The following ANO7 variants were observed in gnomAD, a reference collection of about 807,000 sequenced individuals.
The protein encoded by ANO7 is anoctamin-7.
A neutral mutation model predicts 115.8 loss-of-function variants in ANO7; 114 were observed. The observed-to-expected ratio is 0.98, with a 90% confidence interval of 0.85 to 1.15. The LOEUF (loss-of-function observed/expected upper bound fraction) is 1.15, where lower values mean the gene tolerates loss of function less well. Ranked by LOEUF, ANO7 falls within the 50% of genes most tolerant of loss-of-function variation. The probability of loss-of-function intolerance (pLI) is 0.00; values close to 1 mark genes in which losing one functional copy is unlikely to be tolerated. For missense variants in ANO7, 1,302 were observed against 1,201.2 expected (o/e 1.08, Z -1.24); for synonymous variants, 550 against 498.2 (o/e 1.10, Z -1.38).
chr2:241,193,357 G>A (rs1194057287), intron 3 of ANO7, among the ~76,000 whole-genome samples: 5 of 151,968 alleles, frequency 3.3e-5, no homozygotes, highest in Non-Finnish European at 5.9e-5. Flanking sequence ...AGTGTGAGCC[G>A]CCACGCCCAG....
chr2:241,217,661 C>A (rs917843322), intron 19 of ANO7, 25 bp from the exon 20 acceptor site: 2 of 1,556,754 alleles, frequency 1.3e-6, no homozygotes, highest in Non-Finnish European at 1.7e-6. Flanking sequence ...TGGCGGAGAG[C>A]CCGGCCGTGA....
At chr2:241,226,715 T>G (rs557296633), downstream of ANO7, among the ~76,000 whole-genome samples, 1 of 152,150 alleles carries the variant, frequency 6.6e-6, no homozygotes, top group African/African-American at 2.4e-5. Flanking sequence ...TGAGCCACCG[T>G]ACCCGGCCAA....
At chr2:241,195,909 G>A (rs2068316546) in intron 4 of ANO7, 64 bp downstream of exon 4, 1 of 1,613,774 alleles carries the variant, frequency 6.2e-7, no homozygotes, top group Admixed American at 1.7e-5. Context: ...CCATGACCTT[G>A]CCGCATGAGG....
chr2:241,191,942 C>T (rs1574754441), intron 3 of ANO7, among the ~76,000 whole-genome samples: 1 of 152,192 alleles, frequency 6.6e-6, no homozygotes, highest in African/African-American at 2.4e-5. Context: ...TGAGCGCCCA[C>T]GAGCACGGGA....
In ANO7 at chr2:241,216,104, G is replaced by T; in HGVS notation, c.1838G>T (p.Gly613Val). Residue 613 changes from glycine (G) to valine (V), a missense_variant, in exon 19 of 25, where the codon GGC (glycine) becomes GTC (valine). Physicochemically the swap from Gly to Val is moderately radical, Grantham distance 109 (BLOSUM62 -3). Coordinates refer to ENST00000674324, the MANE Select transcript of ANO7 (RefSeq NM_001370694.2). ...MQEVLIPKLK[G>V]WWQKFRLRSK... is the part of the protein sequence containing the mutation. ...ATTCCCGTCCCCAGGAAGCTAAAGG[G>T]CTGGTGGCAGAAGTTCCGGCTTCGC... 3 of 1,609,426 alleles carry T rather than the reference G, an allele frequency of 1.9e-6. No homozygotes were observed. The highest frequency in any genetic ancestry group is 1.3e-5 in the African/African-American group (1 of 74,724).
At chr2:241,195,564 G>A (rs1288756227) in intron 3 of ANO7, 139 bp from the exon 4 acceptor site, 1 of 772,370 alleles carries the variant, frequency 1.3e-6, no homozygotes, top group Non-Finnish European at 2.1e-6. Context: ...GGACCAGAGA[G>A]GGGATCGGGA....
downstream of ANO7, chr2:241,229,217 C>T: frequency 4.6e-6 from 1 of 217,576 alleles, no homozygotes; most frequent in South Asian, 6.1e-5. Context: ...AAACGTTTGG[C>T]TTTTATAAAG....
intron 11 of ANO7, among the ~76,000 whole-genome samples, 155 bp downstream of exon 11, chr2:241,207,825 T>C (rs1402319783): frequency 6.6e-6 from 1 of 152,194 alleles, no homozygotes; most frequent in African/African-American, 2.4e-5. Context: ...ACCTTTGTTC[T>C]CTTGCCTGGA....
chr2:241,222,149 G>A (rs898540795), intron 21 of ANO7, among the ~76,000 whole-genome samples: 1 of 151,900 alleles, frequency 6.6e-6, no homozygotes, highest in Non-Finnish European at 1.5e-5. Context: ...CAGGAGAATC[G>A]CTTGAACCCA....
chr2:241,216,318 G>A lies in ANO7; in HGVS notation c.1972+80G>A, dbSNP rs2068827930. 3 of 1,450,468 alleles carry A rather than the reference G, an allele frequency of 2.1e-6. No individual in the cohort carries two copies. In the East Asian group the frequency reaches 7.5e-5, roughly 36 times the overall value. The allele number at this position is 1,450,468 out of a possible 1,614,324, so 89.8% of individuals were successfully genotyped here. A position where few individuals can be genotyped will look rare whatever the true frequency, so the allele number is the denominator to read the frequency against. ...GGCCACTCTGCTCAAGGGCCTCCCA[G>A]CCTGACATTCCTGTGTCTGCATCTG... On this transcript the variant is annotated intron_variant, in intron 19 of 24. Coordinates refer to ENST00000674324, the MANE Select transcript of ANO7 (RefSeq NM_001370694.2).
the ANO7 span, chr2:241,236,414 C>A: frequency 1.7e-6 from 1 of 604,034 alleles, no homozygotes; most frequent in South Asian, 2.0e-5. Context: ...GAACCCCGAG[C>A]CTTGGTGAAG....
chr2:241,239,348 T>C, the ANO7 span, among the ~76,000 whole-genome samples: 30 of 152,102 alleles, frequency 2.0e-4, no homozygotes, highest in South Asian at 1.0e-3. This position sits in a 1 kb window ranked among gnomAD's most constrained non-coding sequence, Gnocchi z 4.6. Flanking sequence ...TCTCTCTCTC[T>C]CCCCTCTCCT....
chr2:241,200,292 C>CGGAACTT, intron 6 of ANO7, 67 bp downstream of exon 6: 1 of 1,560,516 alleles, frequency 6.4e-7, no homozygotes, highest in South Asian at 1.2e-5. Flanking sequence ...AATGAGTGAG[C>CGGAACTT]GGAACTTGGT....
At position 241,224,368 on chromosome 2, in the gene ANO7, C is replaced by A. The variant is rs1278687154; in HGVS notation, c.*215C>A. ...CCGGCAGGGAGGGACCGTCAGCTCA[C>A]AAGGCCCTCTTTGTTTCCTGCTCCC... On this transcript the variant is annotated 3_prime_UTR_variant, in exon 25 of 25. Transcript: ENST00000674324. 6.7e-6 allele frequency: 4 copies of A among 594,660 alleles called. No individual in the cohort carries two copies. Among genetic ancestry groups the A allele is most frequent in the Non-Finnish European group, 1.2e-5 (4 of 338,466 alleles). The allele number at this position is 594,660 out of a possible 1,614,324, so 36.8% of individuals were successfully genotyped here.
intron 4 of ANO7, among the ~76,000 whole-genome samples, chr2:241,197,392 G>A (rs998271027): frequency 3.3e-5 from 5 of 151,976 alleles, no homozygotes; most frequent in East Asian, 1.9e-4. Flanking sequence ...GAGCCACCGC[G>A]CCAGGCCTAA....
chr2:241,202,263 C>T lies in ANO7; in HGVS notation c.682C>T (p.Leu228=), dbSNP rs572931990. 88 of 1,613,650 alleles carry T rather than the reference C, an allele frequency of 5.5e-5. No homozygotes were observed. The East Asian group carries it at 1.8e-3, about 34-fold the overall frequency. Residue 228 remains leucine (L), a synonymous_variant, in exon 8 of 25, where the codon CTG becomes TTG. Transcript: ENST00000674324. ...KKNLLGIHQL[L]AEGVLSAAFP... is the part of the protein sequence containing the mutation. ...AAACCTGCTTGGGATCCACCAGCTGCTGGCAGAGGGTGTCCTCAGTGCCGC... is the reference window on the plus strand; with the variant it reads ...AAACCTGCTTGGGATCCACCAGCTGTTGGCAGAGGGTGTCCTCAGTGCCGC...
downstream of ANO7, chr2:241,228,923 T>C (rs570415334): frequency 6.5e-6 from 1 of 152,888 alleles, no homozygotes; most frequent in African/African-American, 2.4e-5. Flanking sequence ...TCACCAGACC[T>C]CAGGCTGAGG....
the ANO7 span, chr2:241,235,468 G>C: frequency 1.3e-6 from 2 of 1,584,760 alleles, no homozygotes; most frequent in African/African-American, 2.7e-5. Flanking sequence ...CTGTGACATG[G>C]CCTCCCGGGA....
chr2:241,190,111 T>C lies in ANO7; in HGVS notation c.48T>C (p.Asp16=), dbSNP rs374671478. ...AQEEDSTVLI[D]VSPPEAEKRG... ...AAGAGGACAGCACCGTCCTGATCGATGTGAGCCCCCCTGAGGCAGAGAAGA... is the reference window on the plus strand; with the variant it reads ...AAGAGGACAGCACCGTCCTGATCGACGTGAGCCCCCCTGAGGCAGAGAAGA... The change falls in exon 2 of 25, where the codon GAT becomes GAC. Residue 16 remains aspartate, a synonymous_variant. Transcript: ENST00000674324. 7.6e-6 allele frequency: 12 copies of C among 1,583,406 alleles called. No individual in the cohort carries two copies. The highest frequency in any genetic ancestry group is 5.4e-5 in the African/African-American group (4 of 74,448).
Sources: allele counts gnomAD v4.1 joint callset (sites outside exome capture counted in the v4.1 genomes callset), GRCh38; gene constraint gnomAD v4.1.1; non-coding constraint Gnocchi (gnomAD v3.1); transcripts MANE v1.5; gene names NCBI Gene and HGNC (gene_info 2026-07-23, HGNC 2026-07-21).